The following ADCY10 variants were observed in gnomAD, a reference collection of about 807,000 sequenced individuals.
The protein encoded by ADCY10 is adenylate cyclase 10.
In ADCY10, 156 loss-of-function variants were observed where a neutral mutation model predicts 183.3. That is an observed-to-expected ratio of 0.85 (90% CI 0.75 to 0.97). The LOEUF is 0.97. Among genes scored for constraint, ADCY10 ranks in the 50% least tolerant of loss-of-function variants. The probability of loss-of-function intolerance (pLI) is 0.00; values close to 1 mark genes in which losing one functional copy is unlikely to be tolerated. For missense variants in ADCY10, 1,745 were observed against 1,934.3 expected, an observed-to-expected ratio of 0.90 and a Z score of 1.84; for synonymous variants, 645 against 670.0, an observed-to-expected ratio of 0.96 and a Z score of 0.58.
At chr1:167,908,025 TA>T (rs1459389687) in intron 1 of ADCY10, among the ~76,000 whole-genome samples, 2 of 152,144 alleles carry the variant, frequency 1.3e-5, no homozygotes, top group South Asian at 4.1e-4. Context: ...AAATTAAAAA[TA>T]GAACTACCAT....
intron 31 of ADCY10, among the ~76,000 whole-genome samples, chr1:167,815,071 G>C (rs1662445918): frequency 1.3e-5 from 2 of 152,180 alleles, no homozygotes; most frequent in Admixed American, 6.5e-5. Flanking sequence ...GTTGCAGTGA[G>C]CCGAGATCAC....
chr1:167,823,225 G>A lies in ADCY10; in HGVS notation c.4053-102C>T, dbSNP rs1029503619. ...GTGGATCACGAGGTCAGGAGTTCGAGACCAGCCTGGCCAACATGGTGAAAC... is the reference window on the plus strand; with the variant it reads ...GTGGATCACGAGGTCAGGAGTTCGAAACCAGCCTGGCCAACATGGTGAAAC... On this transcript the variant is annotated intron_variant, in intron 28 of 32. Transcript: ENST00000367851. 9 of 884,300 alleles carry A rather than the reference G, an allele frequency of 1.0e-5. 1 individual carries two copies. In the South Asian group the frequency reaches 1.2e-4, roughly 12 times the overall value. The allele number at this position is 884,300 out of a possible 1,614,324, so 54.8% of individuals were successfully genotyped here.
chr1:167,849,092 ACAGT>A (rs1665284648), intron 18 of ADCY10, among the ~76,000 whole-genome samples: 1 of 152,170 alleles, frequency 6.6e-6, no homozygotes, highest in African/African-American at 2.4e-5. Flanking sequence ...CGTTTGATTC[ACAGT>A]CAGATTATCA....
chr1:167,839,574 T>C (rs192393687), intron 21 of ADCY10, among the ~76,000 whole-genome samples: 5 of 152,366 alleles, frequency 3.3e-5, no homozygotes, highest in Admixed American at 2.6e-4. Context: ...CTCATTCTAA[T>C]TGATATATTT....
intron 8 of ADCY10, among the ~76,000 whole-genome samples, chr1:167,893,473 G>C (rs1668736804): frequency 6.6e-6 from 1 of 152,114 alleles, no homozygotes; most frequent in Non-Finnish European, 1.5e-5. Flanking sequence ...AGCACTGTGG[G>C]AGGGTGAGGC....
chr1:167,836,122 T>A (rs1170702945), intron 23 of ADCY10, among the ~76,000 whole-genome samples, 187 bp downstream of exon 23: 1 of 152,212 alleles, frequency 6.6e-6, no homozygotes, highest in Non-Finnish European at 1.5e-5. Context: ...CTAGTTGCAA[T>A]GTATTCCAAT....
chr1:167,856,080 G>T, intron 17 of ADCY10, 85 bp downstream of exon 17: 1 of 1,475,024 alleles, frequency 6.8e-7, no homozygotes, highest in Non-Finnish European at 9.5e-7. Flanking sequence ...GGCACATCAA[G>T]ACACATACTA....
At chr1:167,823,208 C>T (rs538021767) in intron 28 of ADCY10, 85 bp from the exon 29 acceptor site, 373 of 1,148,520 alleles carry the variant, frequency 3.2e-4, no homozygotes, top group Non-Finnish European at 4.2e-4. Context: ...GGGTGGATCA[C>T]GAGGTCAGGA....
At chr1:167,857,667 C>T (rs112828151) in intron 16 of ADCY10, among the ~76,000 whole-genome samples, 72 of 152,244 alleles carry the variant, frequency 4.7e-4, no homozygotes, top group African/African-American at 1.2e-3. Context: ...CCAAGTACTG[C>T]GGGATGCTCT....
Position 167,878,346 on chromosome 1 carries a change from T to C in ADCY10, c.1406+100A>G, listed in dbSNP as rs203838. The stretch of plus-strand genomic sequence containing the variant: ...CTGGGGAAAGCATAGATTTCAACTT[T>C]TTGAACTGGCTCCAAATCTTAAATG... On this transcript the variant is annotated intron_variant, in intron 12 of 32. Transcript: ENST00000367851. The C allele has an allele frequency of 0.3, 419,910 of 1,387,512 alleles. 66,409 individuals are homozygous for C. Among genetic ancestry groups the C allele is most frequent in the African/African-American group, 0.51 (35,908 of 70,174 alleles). 86.0% of individuals were successfully genotyped at this position (1,387,512 alleles called of 1,614,324 possible).
intron 25 of ADCY10, among the ~76,000 whole-genome samples, chr1:167,832,313 C>T (rs1414604391): frequency 6.6e-6 from 1 of 152,156 alleles, no homozygotes; most frequent in African/African-American, 2.4e-5. Flanking sequence ...ACACAGCAAA[C>T]AAGAGTATGA....
intron 1 of ADCY10, among the ~76,000 whole-genome samples, chr1:167,907,987 T>C (rs184197808): frequency 8.5e-5 from 13 of 152,268 alleles, no homozygotes; most frequent in Admixed American, 2.0e-4. Context: ...GTACGGCCAT[T>C]ATGGAAAATA....
At chr1:167,810,133 G>A (rs1009224546) in intron 32 of ADCY10, among the ~76,000 whole-genome samples, 7 of 152,280 alleles carry the variant, frequency 4.6e-5, no homozygotes, top group South Asian at 4.1e-4. Context: ...GGAAAGACAC[G>A]CAGACAGATG....
intron 1 of ADCY10, among the ~76,000 whole-genome samples, chr1:167,912,308 C>T (rs1026225586): frequency 6.6e-6 from 1 of 152,222 alleles, no homozygotes; most frequent in Non-Finnish European, 1.5e-5. Context: ...GGCCGGCAAC[C>T]TTTGATAAGC....
intron 31 of ADCY10, among the ~76,000 whole-genome samples, 195 bp from the exon 32 acceptor site, chr1:167,811,108 C>T (rs575468457): frequency 1.3e-5 from 2 of 152,276 alleles, no homozygotes; most frequent in African/African-American, 4.8e-5. Context: ...CCATGGTCCA[C>T]TGAGATCAGG....
intron 14 of ADCY10, among the ~76,000 whole-genome samples, chr1:167,866,003 C>T (rs948681754): frequency 3.3e-5 from 5 of 152,238 alleles, no homozygotes; most frequent in Non-Finnish European, 5.9e-5. Flanking sequence ...CACTTCATGT[C>T]TCTCACCACA....
chr1:167,857,075 T>C (rs775832528), intron 16 of ADCY10, among the ~76,000 whole-genome samples: 9 of 152,242 alleles, frequency 5.9e-5, no homozygotes, highest in Non-Finnish European at 1.3e-4. Context: ...TCAGGTGCTG[T>C]TCTAGGTACT....
rs149325253 is a variant in ADCY10 at position 167,866,329 on chromosome 1, C to T, written c.1616+3928G>A. On this transcript the variant is annotated intron_variant, in intron 14 of 32. Coordinates refer to ENST00000367851, the MANE Select transcript of ADCY10 (RefSeq NM_018417.6). ...GCAATTGGAGTCCCACGAGGAATAC[C>T]AGATCAATTTAAAGCTTGAAATCAA... 4.2e-3 allele frequency among the ~76,000 whole-genome samples: 640 copies of T among 152,174 alleles called. 6 individuals carry two copies. The highest frequency in any genetic ancestry group is 0.015 in the African/African-American group (603 of 41,518).
At chr1:167,906,395 A>G (rs1669819935) in intron 1 of ADCY10, among the ~76,000 whole-genome samples, 1 of 152,142 alleles carries the variant, frequency 6.6e-6, no homozygotes, top group African/African-American at 2.4e-5. Context: ...TTAAAAATGC[A>G]GCAAAAGACC....
Sources: allele counts gnomAD v4.1 joint callset (sites outside exome capture counted in the v4.1 genomes callset), GRCh38; gene constraint gnomAD v4.1.1; transcripts MANE v1.5; gene names NCBI Gene and HGNC (gene_info 2026-07-23, HGNC 2026-07-21).